Variants in KALRN observed in about 807,000 individuals in gnomAD.
The protein encoded by KALRN is kalirin.
In KALRN, 70 loss-of-function variants were observed where a neutral mutation model predicts 353.7. The ratio of observed to expected loss-of-function variants is 0.20; its 90% CI spans 0.16 to 0.24. KALRN has a LOEUF of 0.24. Among genes scored for constraint, KALRN ranks in the 10% least tolerant of loss-of-function variants. The probability of loss-of-function intolerance (pLI) is 1.00; values close to 1 mark genes in which losing one functional copy is unlikely to be tolerated. For missense variants in KALRN, 2,791 were observed against 3,756.7 expected (o/e 0.74, Z 6.72); for synonymous variants, 1,391 against 1,434.8 (o/e 0.97, Z 0.69).
At chr3:124,200,158 A>G (rs930667403) in intron 1 of KALRN, among the ~76,000 whole-genome samples, 5 of 152,214 alleles carry the variant, frequency 3.3e-5, no homozygotes, top group Admixed American at 1.3e-4. Flanking sequence ...GGTTGACAGT[A>G]GAAAACTGGG....
intron 34 of KALRN, among the ~76,000 whole-genome samples, chr3:124,632,087 C>T (rs2149825560): frequency 6.6e-6 from 1 of 152,346 alleles, no homozygotes. Context: ...TAGCACTTCT[C>T]ACCACCTGTC....
chr3:124,713,213 A>G (rs1415807296), intron 58 of KALRN, 78 bp downstream of exon 58: 6 of 1,277,510 alleles, frequency 4.7e-6, no homozygotes, highest in Non-Finnish European at 4.4e-6. Context: ...TGGAAAAGAC[A>G]GTTACATTTT....
In KALRN at chr3:124,270,835, T is replaced by TTG. The variant is rs35476264; in HGVS notation, c.969+1581_969+1582insGT. 3.7e-3 allele frequency among the ~76,000 whole-genome samples: 541 copies of TTG among 145,694 alleles called. 6 individuals are homozygous for TTG. The highest frequency in any genetic ancestry group is 0.036 in the South Asian group (162 of 4,556). ...TATTTTTTTGTTTTGTTTTTTTTTTTTTTTTTTTTTTTGAGACGGAGTCTC... is the reference window on the plus strand; with the variant it reads ...TATTTTTTTGTTTTGTTTTTTTTTTTTGTTTTTTTTTTTTGAGACGGAGTCTC... On this transcript the variant is annotated intron_variant, in intron 5 of 59. Transcript: ENST00000682506.
chr3:124,359,779 C>T (rs1418753743), intron 10 of KALRN, among the ~76,000 whole-genome samples: 1 of 152,202 alleles, frequency 6.6e-6, no homozygotes, highest in Non-Finnish European at 1.5e-5. Context: ...CATGTTGGTG[C>T]TGGTGGCTGG....
At chr3:124,472,326 A>G (rs1444291267) in intron 25 of KALRN, among the ~76,000 whole-genome samples, 1 of 152,154 alleles carries the variant, frequency 6.6e-6, no homozygotes, top group Non-Finnish European at 1.5e-5. Context: ...GACACAATAA[A>G]ACAATTTTTT....
intron 33 of KALRN, chr3:124,518,343 A>G (rs1419861543): frequency 2.1e-6 from 3 of 1,426,464 alleles, no homozygotes; most frequent in Non-Finnish European, 3.0e-6. Context: ...ACGGGATCTC[A>G]TGCAGATTTT....
At chr3:124,547,784 C>T (rs530867546) in intron 33 of KALRN, among the ~76,000 whole-genome samples, 54 of 133,568 alleles carry the variant, frequency 4.0e-4, no homozygotes, top group Admixed American at 7.8e-4. Context: ...CCTATGTATA[C>T]CAAACCTTTT....
At chr3:124,676,430 C>T (rs918630189) in intron 49 of KALRN, among the ~76,000 whole-genome samples, 7 of 152,126 alleles carry the variant, frequency 4.6e-5, no homozygotes, top group Admixed American at 3.3e-4. Flanking sequence ...ACAGGATAAA[C>T]GTCACTGAAA....
At chr3:124,543,394 C>T (rs1205566999) in intron 33 of KALRN, among the ~76,000 whole-genome samples, 2 of 151,908 alleles carry the variant, frequency 1.3e-5, no homozygotes, top group Non-Finnish European at 2.9e-5. Flanking sequence ...CTCCGCCTCC[C>T]AGGTTCTCAC....
intron 1 of KALRN, among the ~76,000 whole-genome samples, chr3:124,097,258 G>T (rs2061516255): frequency 6.6e-6 from 1 of 152,244 alleles, no homozygotes; most frequent in African/African-American, 2.4e-5. Flanking sequence ...ATTGAAAGAT[G>T]CTCAATAAAT....
chr3:124,424,283 G>A (rs1011483267), intron 15 of KALRN, among the ~76,000 whole-genome samples: 2 of 152,020 alleles, frequency 1.3e-5, no homozygotes, highest in African/African-American at 4.8e-5. Context: ...GTCTATAGCA[G>A]CTGCTGGAGC....
chr3:124,646,928 G>A (rs1229055993), intron 37 of KALRN, among the ~76,000 whole-genome samples: 3 of 151,940 alleles, frequency 2.0e-5, no homozygotes, highest in African/African-American at 7.3e-5. Context: ...CAGAGACATT[G>A]TCCCAAATTA....
intron 3 of KALRN, among the ~76,000 whole-genome samples, chr3:124,243,295 C>T (rs1175460008): frequency 6.6e-6 from 1 of 152,152 alleles, no homozygotes; most frequent in Non-Finnish European, 1.5e-5. Context: ...CATGGAAACG[C>T]TGTGAACAGG....
Position 124,684,522 on chromosome 3 carries a change from G to A in KALRN, c.7377+5005G>A, listed in dbSNP as rs143823678. 5.9e-5 allele frequency among the ~76,000 whole-genome samples: 9 copies of A among 152,256 alleles called. No individual in the cohort carries two copies. In the East Asian group the frequency reaches 9.7e-4, roughly 16 times the overall value. On this transcript the variant is annotated intron_variant, in intron 51 of 59. Transcript: ENST00000682506. ...AAACCTGGATTCTAGTTTGGATACC[G>A]CCAGCTATGAGACTGCTGGCCAGTT...
intron 1 of KALRN, among the ~76,000 whole-genome samples, chr3:124,212,327 A>T (rs972057026): frequency 6.6e-6 from 1 of 152,140 alleles, no homozygotes; most frequent in African/African-American, 2.4e-5. Flanking sequence ...AAAAAAAAAA[A>T]AGTTGAGTCT....
At chr3:124,211,102 C>A (rs73860338) in intron 1 of KALRN, among the ~76,000 whole-genome samples, 1,761 of 152,300 alleles carry the variant, frequency 0.012, 32 homozygotes, top group African/African-American at 0.039. Context: ...GTTTGTACAG[C>A]TGAGCCCAGT....
intron 34 of KALRN, among the ~76,000 whole-genome samples, chr3:124,602,067 G>A (rs1259838843): frequency 6.6e-6 from 1 of 151,486 alleles, no homozygotes; most frequent in Non-Finnish European, 1.5e-5. Flanking sequence ...CTGTTCTGTT[G>A]GCAGCAACCC....
At position 124,657,500 on chromosome 3, in the gene KALRN, A is replaced by G; in HGVS notation, c.5915A>G (p.Lys1972Arg). 6.2e-7 allele frequency: 1 copy of G among 1,614,146 alleles called. No individual in the cohort carries two copies. The highest frequency in any genetic ancestry group is 1.1e-5 in the South Asian group (1 of 91,080). ...EKGVPEDMRG[K>R]DKIVFGNIHQ... ...GGTGTCCCTGAGGATATGCGAGGAA[A>G]GGACAAAATCGTGTTTGGAAATATT... is the stretch of plus-strand genomic sequence containing the variant. Residue 1972 changes from lysine to arginine, a missense_variant, in exon 40 of 60, where the codon AAG becomes AGG. This residue lies in a region of KALRN where 1,065 missense variants were observed against 1,156.4 expected (regional missense o/e 0.92). Transcript: ENST00000682506.
chr3:124,183,759 C>T (rs1379261830), intron 1 of KALRN, among the ~76,000 whole-genome samples: 1 of 152,170 alleles, frequency 6.6e-6, no homozygotes, highest in Non-Finnish European at 1.5e-5. Context: ...GCCACCCAGT[C>T]TGTGATATTT....
Sources: allele counts gnomAD v4.1 joint callset (sites outside exome capture counted in the v4.1 genomes callset), GRCh38; gene constraint gnomAD v4.1.1; regional missense constraint gnomAD v4.1.1; transcripts MANE v1.5; gene names NCBI Gene and HGNC (gene_info 2026-07-23, HGNC 2026-07-21).